BTRC: variants seen among roughly 807,000 people sequenced by gnomAD.
BTRC encodes beta-transducin repeat containing E3 ubiquitin protein ligase.
BTRC carries 42 observed loss-of-function variants against 85.5 expected under a neutral mutation model. That is an observed-to-expected ratio of 0.49 (90% CI 0.38 to 0.64). The LOEUF is 0.64. BTRC is among the 30% of genes least tolerant of loss of function. The pLI is 0.00. For synonymous variants in BTRC, 255 were observed against 263.3 expected (o/e 0.97, Z 0.30); for missense variants, 594 against 743.5 (o/e 0.80, Z 2.34).
chr10:101,457,774 CACTTA>C (rs1945118911), intron 2 of BTRC, among the ~76,000 whole-genome samples: 2 of 152,092 alleles, frequency 1.3e-5, no homozygotes, highest in Non-Finnish European at 2.9e-5. Flanking sequence ...ATTTATTTTT[CACTTA>C]ACTTTTCTCC....
In BTRC at chr10:101,526,108, G is replaced by C. The variant is rs1206406046; in HGVS notation, c.652G>C (p.Val218Leu). ...ACTTGTGTGCAAGGAATGGTACCGA[G>C]TGACCTCTGATGGCATGCTGTGGAA... ...AELVCKEWYR[V>L]TSDGMLWKKL... The change falls in exon 6 of 15, where the codon GTG becomes CTG. Residue 218 changes from valine (V) to leucine (L), a missense_variant. Physicochemically the swap from Val to Leu is conservative, Grantham distance 32. Around this residue, in one of 4 missense-constraint regions of BTRC, gnomAD observed 373 missense variants for 503.6 expected, o/e 0.74. Coordinates refer to ENST00000370187, the MANE Select transcript of BTRC (RefSeq NM_033637.4). The C allele has an allele frequency of 1.2e-6, 2 of 1,614,076 alleles. No homozygotes were observed. The highest frequency in any genetic ancestry group is 1.7e-6 in the Non-Finnish European group (2 of 1,180,050).
intron 1 of BTRC, among the ~76,000 whole-genome samples, chr10:101,423,065 A>T (rs1036301184): frequency 9.2e-5 from 14 of 151,660 alleles, no homozygotes; most frequent in African/African-American, 1.2e-4. Context: ...ATTAAGTTAA[A>T]TTTTTTTTAT....
At chr10:101,381,254 C>T (rs1330560835) in intron 1 of BTRC, among the ~76,000 whole-genome samples, 1 of 152,028 alleles carries the variant, frequency 6.6e-6, no homozygotes, top group Non-Finnish European at 1.5e-5. Context: ...TATTATCATC[C>T]TGATTTACAA....
chr10:101,535,632 G>A (rs2062374327), intron 11 of BTRC, among the ~76,000 whole-genome samples, 160 bp downstream of exon 11: 1 of 152,178 alleles, frequency 6.6e-6, no homozygotes, highest in Non-Finnish European at 1.5e-5. Flanking sequence ...AGGCAGAGAA[G>A]CAGCACAGCA....
At chr10:101,396,486 A>G (rs1943367131) in intron 1 of BTRC, among the ~76,000 whole-genome samples, 1 of 151,264 alleles carries the variant, frequency 6.6e-6, no homozygotes, top group Admixed American at 6.6e-5. Flanking sequence ...AAGATTTTAA[A>G]TGGAGTTCAG....
intron 1 of BTRC, among the ~76,000 whole-genome samples, chr10:101,372,562 C>T (rs1395831920): frequency 1.4e-5 from 2 of 143,882 alleles, no homozygotes; most frequent in Non-Finnish European, 3.0e-5. Flanking sequence ...CCTGCATTTT[C>T]ATGTGTATTA....
At chr10:101,400,647 C>G (rs1177486502) in intron 1 of BTRC, among the ~76,000 whole-genome samples, 1 of 152,138 alleles carries the variant, frequency 6.6e-6, no homozygotes, top group Non-Finnish European at 1.5e-5. Context: ...AAGTGAGGGG[C>G]AAGAGCTCTG....
rs1211755756 is a variant in BTRC, at chr10:101,366,772, AT to A, written c.48+12545del. Among the ~76,000 whole-genome samples the A allele has an allele frequency of 1.1e-4, 6 of 52,598 alleles. 1 individual carries two copies. Among genetic ancestry groups the A allele is most frequent in the African/African-American group, 3.0e-4 (6 of 20,168 alleles). 34.5% of individuals were successfully genotyped at this position (52,598 alleles called of 152,430 possible). The stretch of plus-strand genomic sequence containing the variant: ...GAGTTTGGACTTAATCTAGTTATAT[AT>A]ATATATATATATATATTTTTACATT... On this transcript the variant is annotated intron_variant, in intron 1 of 14. Coordinates refer to ENST00000370187, the MANE Select transcript of BTRC (RefSeq NM_033637.4).
intron 6 of BTRC, among the ~76,000 whole-genome samples, chr10:101,527,032 C>G (rs1480094312): frequency 6.6e-6 from 1 of 152,114 alleles, no homozygotes; most frequent in Admixed American, 6.6e-5. Context: ...GAGTATGTCT[C>G]TAGAATGTCA....
At chr10:101,362,519 C>T (rs1564727063) in intron 1 of BTRC, among the ~76,000 whole-genome samples, 1 of 152,076 alleles carries the variant, frequency 6.6e-6, no homozygotes, top group Non-Finnish European at 1.5e-5. Context: ...CCTCAGCCTC[C>T]CGAGTAGCTG....
At chr10:101,367,366 C>G (rs1176735036) in intron 1 of BTRC, among the ~76,000 whole-genome samples, 2 of 151,912 alleles carry the variant, frequency 1.3e-5, no homozygotes, top group African/African-American at 4.8e-5. Context: ...CTCACTGCGC[C>G]TGGCCTAGGT....
Position 101,532,186 on chromosome 10 carries a change from G to A in BTRC, c.841-109G>A, listed in dbSNP as rs571580664. 7 of 1,168,996 alleles carry A rather than the reference G, an allele frequency of 6.0e-6. No homozygotes were observed. In the East Asian group the frequency reaches 1.3e-4, roughly 21 times the overall value. 72.4% of individuals were successfully genotyped at this position (1,168,996 alleles called of 1,614,324 possible). On this transcript the variant is annotated intron_variant, in intron 7 of 14. Coordinates refer to ENST00000370187, the MANE Select transcript of BTRC (RefSeq NM_033637.4). ...CATTTTTTAGTTTTCCCTAAGTTGT[G>A]TATATCCCATAGAGTAAAGCATTGA...
At position 101,556,932 on chromosome 10, in the gene BTRC, C is replaced by T. The variant is rs547294463; in HGVS notation, c.*3809C>T. 169 of 152,352 alleles carry T rather than the reference C, an allele frequency of 1.1e-3. No individual in the cohort carries two copies. The highest frequency in any genetic ancestry group is 4.3e-3 in the Admixed American group (66 of 15,312). 9.4% of individuals were successfully genotyped at this position (152,352 alleles called of 1,614,324 possible). On this transcript the variant is annotated 3_prime_UTR_variant, in exon 15 of 15. Coordinates refer to ENST00000370187, the MANE Select transcript of BTRC (RefSeq NM_033637.4). ...CGTATTTTAAAGTGTTACCTCCCCT[C>T]CTAACCCTTCCCCTTCTTGGACACT...
In BTRC at chr10:101,525,986, T is replaced by C. The variant is rs757456144; in HGVS notation, c.557-27T>C. ...TCATTCGCCACCTTCTGTGTTCTTT[T>C]TCTTTGCCTCCTCCCCCTACTGAAA... is the stretch of plus-strand genomic sequence containing the variant. On this transcript the variant is annotated intron_variant, in intron 5 of 14. Transcript: ENST00000370187. 8 of 1,607,042 alleles carry C rather than the reference T, an allele frequency of 5.0e-6. No individual in the cohort carries two copies. The East Asian group carries it at 1.8e-4, about 36-fold the overall frequency.
At chr10:101,518,148 G>C (rs1016289281) in intron 4 of BTRC, among the ~76,000 whole-genome samples, 2 of 151,958 alleles carry the variant, frequency 1.3e-5, no homozygotes, top group Admixed American at 6.6e-5. Flanking sequence ...TCCTGACCTC[G>C]TGATCCGCCC....
intron 3 of BTRC, among the ~76,000 whole-genome samples, chr10:101,470,355 C>T (rs538064817): frequency 2.3e-4 from 27 of 119,396 alleles, no homozygotes; most frequent in East Asian, 1.3e-3. Flanking sequence ...TTTTTTGAGA[C>T]GGAGTCTCGC....
rs1434751537 is a variant in BTRC at position 101,474,445 on chromosome 10, C to T, written c.235-4923C>T. The stretch of plus-strand genomic sequence containing the variant: ...GTCAAACTCTAAACTCTTTCTCCCC[C>T]CATGAGCAGCAGCTGGAATATCTGC... On this transcript the variant is annotated intron_variant, in intron 3 of 14. Transcript: ENST00000370187. 2.6e-5 allele frequency among the ~76,000 whole-genome samples: 4 copies of T among 152,222 alleles called. No individual in the cohort carries two copies. In the East Asian group the frequency reaches 7.7e-4, roughly 29 times the overall value.
chr10:101,375,026 A>T (rs1287957588), intron 1 of BTRC, among the ~76,000 whole-genome samples: 1 of 152,098 alleles, frequency 6.6e-6, no homozygotes, highest in Non-Finnish European at 1.5e-5. Context: ...AAAGAAATTG[A>T]CTAGGTGTCT....
intron 2 of BTRC, among the ~76,000 whole-genome samples, chr10:101,452,030 G>A (rs556669821): frequency 3.6e-4 from 55 of 152,238 alleles, no homozygotes; most frequent in African/African-American, 1.3e-3. Flanking sequence ...AGATTAACGA[G>A]GCAGCAGCAA....
Sources: allele counts gnomAD v4.1 joint callset (sites outside exome capture counted in the v4.1 genomes callset), GRCh38; gene constraint gnomAD v4.1.1; regional missense constraint gnomAD v4.1.1; transcripts MANE v1.5; gene names NCBI Gene and HGNC (gene_info 2026-07-23, HGNC 2026-07-21).